IP6K1: variants seen among roughly 807,000 people sequenced by gnomAD.
The protein encoded by IP6K1 is inositol hexakisphosphate kinase 1.
In IP6K1, 13 loss-of-function variants were observed where a neutral mutation model predicts 38.3. That is an observed-to-expected ratio of 0.34 (90% CI 0.22 to 0.54). The LOEUF is 0.54. Ranked by LOEUF, IP6K1 falls within the 20% of genes least tolerant of loss-of-function variation. The pLI is 0.92. For synonymous variants in IP6K1, 212 were observed against 229.9 expected (o/e 0.92, Z 0.70); for missense variants, 397 against 599.8 (o/e 0.66, Z 3.53).
intron 1 of IP6K1, among the ~76,000 whole-genome samples, chr3:49,759,522 T>TA (rs568739187): frequency 5.3e-4 from 81 of 152,290 alleles, no homozygotes; most frequent in African/African-American, 1.9e-3. Context: ...CTTATATAGT[T>TA]AGACATTTAG....
rs1221497964 is a variant in IP6K1 at position 49,725,323 on chromosome 3, C to T, written c.*1799G>A. The T allele has an allele frequency of 1.3e-5, 2 of 152,464 alleles. No homozygotes were observed. The highest frequency in any genetic ancestry group is 2.9e-5 in the Non-Finnish European group (2 of 68,080). The allele number at this position is 152,464 out of a possible 1,614,324, so 9.4% of individuals were successfully genotyped here. A position where few individuals can be genotyped will look rare whatever the true frequency, so the allele number is the denominator to read the frequency against. ...CACCCTACCAGGGAATGACTATCTA[C>T]ACTAATGAAGGGCTACTGCCCCCAT... On this transcript the variant is annotated 3_prime_UTR_variant, in exon 6 of 6. Coordinates refer to ENST00000321599, the MANE Select transcript of IP6K1 (RefSeq NM_153273.4).
intron 3 of IP6K1, among the ~76,000 whole-genome samples, chr3:49,735,804 G>C (rs1389593677): frequency 6.6e-6 from 1 of 152,210 alleles, no homozygotes; most frequent in Non-Finnish European, 1.5e-5. Flanking sequence ...AGGGGCACAG[G>C]TATGTAGCAT....
At chr3:49,767,283 AAAT>A (rs760070867) in intron 1 of IP6K1, among the ~76,000 whole-genome samples, 35 of 151,968 alleles carry the variant, frequency 2.3e-4, no homozygotes, top group Non-Finnish European at 3.7e-4. Context: ...ATCTCTTAAA[AAAT>A]AATAATAATT....
chr3:49,745,166 G>C (rs2080709385), intron 2 of IP6K1, among the ~76,000 whole-genome samples: 1 of 151,962 alleles, frequency 6.6e-6, no homozygotes, highest in Non-Finnish European at 1.5e-5. Context: ...CAAAAATACA[G>C]ATTGTGATAA....
At position 49,762,616 on chromosome 3, in the gene IP6K1, C is replaced by T. The variant is rs75395616; in HGVS notation, c.-128-14448G>A. ...ATATCTATTAAGAAAACTGAGTCTGCGATCAAAAATCTTTCCACGAAGAAA... is the reference window on the plus strand; with the variant it reads ...ATATCTATTAAGAAAACTGAGTCTGTGATCAAAAATCTTTCCACGAAGAAA... On this transcript the variant is annotated intron_variant, in intron 1 of 5. Transcript: ENST00000321599. 1.2e-4 allele frequency among the ~76,000 whole-genome samples: 19 copies of T among 152,010 alleles called. No individual in the cohort carries two copies. The East Asian group carries it at 2.3e-3, about 19-fold the overall frequency.
chr3:49,734,724 G>C (rs367572312), intron 3 of IP6K1, among the ~76,000 whole-genome samples: 30 of 151,972 alleles, frequency 2.0e-4, no homozygotes, highest in African/African-American at 7.0e-4. Flanking sequence ...GCCTTTTTTT[G>C]TGAAACCCTT....
chr3:49,757,402 C>A (rs1321394737), intron 1 of IP6K1, among the ~76,000 whole-genome samples: 2 of 152,196 alleles, frequency 1.3e-5, no homozygotes, highest in Non-Finnish European at 2.9e-5. Context: ...TGGGGAATTA[C>A]TCCTCACCAT....
chr3:49,781,808 G>A (rs1348115151), intron 1 of IP6K1, among the ~76,000 whole-genome samples: 3 of 152,010 alleles, frequency 2.0e-5, no homozygotes, highest in Non-Finnish European at 4.4e-5. Flanking sequence ...AATTGGCCAG[G>A]CAAGGTGACT....
intron 1 of IP6K1, among the ~76,000 whole-genome samples, chr3:49,774,423 A>AAG (rs1553697045): frequency 6.6e-6 from 1 of 150,772 alleles, no homozygotes; most frequent in African/African-American, 2.4e-5. Flanking sequence ...AAAAAAAAAA[A>AAG]AAAAAAGAAA....
Position 49,727,113 on chromosome 3 carries a change from G to C in IP6K1, c.*9C>G. On this transcript the variant is annotated 3_prime_UTR_variant, in exon 6 of 6. Coordinates refer to ENST00000321599, the MANE Select transcript of IP6K1 (RefSeq NM_153273.4). This position sits in a 1 kb window ranked among gnomAD's most constrained non-coding sequence, Gnocchi z 5.9. ...GAGAGGAAGGGGTTCTGGGGGCCCA[G>C]AACAGGGCCTACTGGTTCTCGTCCC... The C allele has an allele frequency of 1.3e-6, 2 of 1,585,038 alleles. No homozygotes were observed. Among genetic ancestry groups the C allele is most frequent in the Non-Finnish European group, 1.7e-6 (2 of 1,162,736 alleles).
At chr3:49,739,557 T>C (rs868484509) in intron 2 of IP6K1, among the ~76,000 whole-genome samples, 2 of 151,776 alleles carry the variant, frequency 1.3e-5, no homozygotes, top group South Asian at 4.2e-4. Flanking sequence ...GGTTTCACCA[T>C]GTTAGCCAGG....
intron 1 of IP6K1, among the ~76,000 whole-genome samples, chr3:49,783,997 ATTATT>A (rs1021516298): frequency 6.6e-6 from 1 of 151,690 alleles, no homozygotes; most frequent in Non-Finnish European, 1.5e-5. Flanking sequence ...TTTCAAAATT[ATTATT>A]TTATTTATTA....
intron 1 of IP6K1, chr3:49,775,472 T>C (rs2080999175): frequency 5.3e-6 from 3 of 568,786 alleles, no homozygotes; most frequent in African/African-American, 1.9e-5. Flanking sequence ...GTGGAGGCCC[T>C]GGGGTCTCTG....
At chr3:49,742,678 C>T (rs1309758971) in intron 2 of IP6K1, among the ~76,000 whole-genome samples, 3 of 152,046 alleles carry the variant, frequency 2.0e-5, no homozygotes, top group Admixed American at 6.6e-5. Context: ...GCAGGCAGAT[C>T]ACTTAAGCTT....
intron 1 of IP6K1, among the ~76,000 whole-genome samples, chr3:49,780,947 A>T (rs999628062): frequency 2.6e-5 from 4 of 152,208 alleles, no homozygotes; most frequent in African/African-American, 9.7e-5. Context: ...AATCTAGTAC[A>T]TCTTTATAAA....
intron 4 of IP6K1, among the ~76,000 whole-genome samples, chr3:49,732,130 A>G (rs1335546995): frequency 2.6e-5 from 4 of 151,948 alleles, no homozygotes; most frequent in South Asian, 2.1e-4. Context: ...AAGTCTCACT[A>G]TGTTGCTCAG....
chr3:49,743,186 C>T (rs1206733889), intron 2 of IP6K1, among the ~76,000 whole-genome samples: 1 of 151,782 alleles, frequency 6.6e-6, no homozygotes, highest in Non-Finnish European at 1.5e-5. Flanking sequence ...TACCACTGCA[C>T]TCTAGCCTAG....
intron 1 of IP6K1, among the ~76,000 whole-genome samples, chr3:49,783,562 A>C (rs978938103): frequency 6.6e-6 from 1 of 151,816 alleles, no homozygotes; most frequent in Non-Finnish European, 1.5e-5. Flanking sequence ...AATACAAAAA[A>C]ATTGGCCGGG....
At chr3:49,763,812 T>C (rs977608203) in intron 1 of IP6K1, among the ~76,000 whole-genome samples, 1 of 151,858 alleles carries the variant, frequency 6.6e-6, no homozygotes, top group African/African-American at 2.4e-5. Flanking sequence ...GGTCAGGAGT[T>C]CGAAACCAGC....
Sources: allele counts gnomAD v4.1 joint callset (sites outside exome capture counted in the v4.1 genomes callset), GRCh38; gene constraint gnomAD v4.1.1; non-coding constraint Gnocchi (gnomAD v3.1); transcripts MANE v1.5; gene names NCBI Gene and HGNC (gene_info 2026-07-23, HGNC 2026-07-21).